DMRT1: variants seen among roughly 807,000 people sequenced by gnomAD.
DMRT1 encodes the protein doublesex and mab-3 related transcription factor 1, also known as doublesex- and mab-3-related transcription factor 1.
In DMRT1, 7 loss-of-function variants were observed where a neutral mutation model predicts 32.3. The ratio of observed to expected loss-of-function variants is 0.22; its 90% CI spans 0.12 to 0.41. The LOEUF (loss-of-function observed/expected upper bound fraction) is 0.41, where lower values mean the gene tolerates loss of function less well. DMRT1 is among the 10% of genes least tolerant of loss of function. The pLI is 1.00. For missense variants in DMRT1, 625 were observed against 500.5 expected (o/e 1.25, Z -2.37); for synonymous variants, 278 against 206.1 (o/e 1.35, Z -2.99).
At chr9:852,803 C>T (rs1815214389) in intron 2 of DMRT1, among the ~76,000 whole-genome samples, 1 of 152,204 alleles carries the variant, frequency 6.6e-6, no homozygotes, top group Admixed American at 6.5e-5. Context: ...GGCCCAGTTT[C>T]AGTCACCTTT....
At chr9:886,304 G>A (rs1006915351) in intron 2 of DMRT1, among the ~76,000 whole-genome samples, 1 of 152,210 alleles carries the variant, frequency 6.6e-6, no homozygotes, top group Admixed American at 6.5e-5. Context: ...CACCCAGGCT[G>A]CAGTGCAATG....
At chr9:944,166 A>G (rs542862567) in intron 4 of DMRT1, among the ~76,000 whole-genome samples, 32 of 152,338 alleles carry the variant, frequency 2.1e-4, no homozygotes, top group Non-Finnish European at 4.1e-4. Flanking sequence ...GTGTTTCTAA[A>G]GGGCTTAACA....
intron 2 of DMRT1, among the ~76,000 whole-genome samples, chr9:879,417 C>T (rs1816642276): frequency 6.6e-6 from 1 of 152,064 alleles, no homozygotes. Flanking sequence ...CATTGTTTCA[C>T]ATTTTTGCAA....
At chr9:959,461 C>A (rs961634000) in intron 4 of DMRT1, among the ~76,000 whole-genome samples, 1 of 152,200 alleles carries the variant, frequency 6.6e-6, no homozygotes, top group Non-Finnish European at 1.5e-5. Context: ...TCACTACAGG[C>A]AGAATTGATT....
chr9:909,364 G>A (rs1564243690), intron 3 of DMRT1, among the ~76,000 whole-genome samples: 1 of 152,094 alleles, frequency 6.6e-6, no homozygotes, highest in Non-Finnish European at 1.5e-5. Flanking sequence ...AATGAATAAG[G>A]TGTGTATTTC....
At chr9:865,440 T>C (rs376744159) in intron 2 of DMRT1, among the ~76,000 whole-genome samples, 1 of 152,120 alleles carries the variant, frequency 6.6e-6, no homozygotes, top group African/African-American at 2.4e-5. Flanking sequence ...TGTATGGTAC[T>C]TAATTTTTCA....
intron 3 of DMRT1, among the ~76,000 whole-genome samples, chr9:916,261 A>G (rs1334908593): frequency 6.6e-6 from 1 of 152,212 alleles, no homozygotes; most frequent in Non-Finnish European, 1.5e-5. Context: ...GGTGCTTTAG[A>G]GGGGACCTTA....
chr9:901,528 T>C (rs886416355), intron 3 of DMRT1, among the ~76,000 whole-genome samples: 1 of 152,080 alleles, frequency 6.6e-6, no homozygotes, highest in Non-Finnish European at 1.5e-5. Context: ...GGTTTCACCA[T>C]GTTGGCCAGG....
chr9:911,072 G>T (rs1817957580), intron 3 of DMRT1, among the ~76,000 whole-genome samples: 1 of 152,156 alleles, frequency 6.6e-6, no homozygotes, highest in African/African-American at 2.4e-5. Flanking sequence ...GAGCACAGGG[G>T]TGGTGCTCAG....
chr9:929,863 C>G (rs1366237430), intron 4 of DMRT1, among the ~76,000 whole-genome samples: 2 of 152,082 alleles, frequency 1.3e-5, no homozygotes, highest in African/African-American at 2.4e-5. Flanking sequence ...GTGTCTGGGC[C>G]TAGCATAATG....
At chr9:854,176 G>A (rs1228049177) in intron 2 of DMRT1, among the ~76,000 whole-genome samples, 3 of 151,638 alleles carry the variant, frequency 2.0e-5, no homozygotes, top group Admixed American at 6.6e-5. Flanking sequence ...GAATGCAGTG[G>A]CACAATCATA....
At position 848,821 on chromosome 9, in the gene DMRT1, C is replaced by T. The variant is rs148223691; in HGVS notation, c.538+1678C>T. ...CCACCCACCTCAGCTTCCCAAAGTGCTGGGATTACAGGCGTGAGCTGCCAT... is the reference window on the plus strand; with the variant it reads ...CCACCCACCTCAGCTTCCCAAAGTGTTGGGATTACAGGCGTGAGCTGCCAT... On this transcript the variant is annotated intron_variant, in intron 2 of 4. Coordinates refer to ENST00000382276, the MANE Select transcript of DMRT1 (RefSeq NM_021951.3). 1.0e-4 allele frequency among the ~76,000 whole-genome samples: 15 copies of T among 148,772 alleles called. No individual in the cohort carries two copies. The East Asian group carries it at 2.7e-3, about 27-fold the overall frequency.
chr9:933,916 C>T (rs1373974670), intron 4 of DMRT1, among the ~76,000 whole-genome samples: 1 of 152,052 alleles, frequency 6.6e-6, no homozygotes, highest in Non-Finnish European at 1.5e-5. Context: ...AACATCAGCC[C>T]TTATTCTCCT....
intron 2 of DMRT1, among the ~76,000 whole-genome samples, chr9:866,426 G>A (rs759620847): frequency 6.6e-6 from 1 of 150,874 alleles, no homozygotes; most frequent in Non-Finnish European, 1.5e-5. Flanking sequence ...AGCTGAACTA[G>A]GTGTGTCACA....
chr9:888,986 C>G (rs1231965648), intron 2 of DMRT1, among the ~76,000 whole-genome samples: 1 of 150,738 alleles, frequency 6.6e-6, no homozygotes, highest in Non-Finnish European at 1.5e-5. Flanking sequence ...AAAAGAATTT[C>G]TGGAGAGCTT....
At chr9:898,996 A>G (rs1817473132) in intron 3 of DMRT1, among the ~76,000 whole-genome samples, 1 of 152,106 alleles carries the variant, frequency 6.6e-6, no homozygotes, top group Non-Finnish European at 1.5e-5. Flanking sequence ...CTCTTTGATT[A>G]CATGTATTTT....
intron 3 of DMRT1, among the ~76,000 whole-genome samples, chr9:896,970 C>G (rs1817392031): frequency 6.6e-6 from 1 of 151,826 alleles, no homozygotes; most frequent in Non-Finnish European, 1.5e-5. Flanking sequence ...GAAGTCATTC[C>G]ACTTTTGGGA....
intron 2 of DMRT1, among the ~76,000 whole-genome samples, chr9:881,544 T>C (rs919214688): frequency 2.0e-5 from 3 of 152,238 alleles, no homozygotes; most frequent in Admixed American, 2.0e-4. Flanking sequence ...TGCTACCTTC[T>C]GTCCAGCTCC....
At chr9:914,793 A>G (rs1818117614) in intron 3 of DMRT1, among the ~76,000 whole-genome samples, 1 of 152,150 alleles carries the variant, frequency 6.6e-6, no homozygotes, top group Non-Finnish European at 1.5e-5. Flanking sequence ...CATAGATTTG[A>G]GCTTGAGAGC....
Sources: allele counts gnomAD v4.1 joint callset (sites outside exome capture counted in the v4.1 genomes callset), GRCh38; gene constraint gnomAD v4.1.1; transcripts MANE v1.5; gene names NCBI Gene and HGNC (gene_info 2026-07-23, HGNC 2026-07-21).